The following MYO19 variants were observed in gnomAD, a reference collection of about 807,000 sequenced individuals.
The protein encoded by MYO19 is myosin XIX.
Under a neutral mutation model 129.2 loss-of-function variants are expected in MYO19, and 132 were observed. The ratio of observed to expected loss-of-function variants is 1.02; its 90% CI spans 0.89 to 1.18. MYO19 has a LOEUF of 1.18. Ranked by LOEUF, MYO19 falls within the 50% of genes most tolerant of loss-of-function variation. The pLI is 0.00. For missense variants in MYO19, 1,210 were observed against 1,216.7 expected (o/e 0.99, Z 0.08); for synonymous variants, 531 against 477.2 (o/e 1.11, Z -1.47).
chr17:36,509,125 A>G lies in MYO19; in HGVS notation c.1168T>C (p.Trp390Arg), dbSNP rs1395114207. 1 of 1,613,842 alleles carries G rather than the reference A, an allele frequency of 6.2e-7. No homozygotes were observed. Among genetic ancestry groups the G allele is most frequent in the South Asian group, 1.1e-5 (1 of 91,038 alleles). Residue 390 changes from tryptophan (W) to arginine (R), a missense_variant, in exon 14 of 26, where the codon TGG becomes CGG. By Grantham distance (101) the Trp-to-Arg change is moderately radical. Coordinates refer to ENST00000614623, the MANE Select transcript of MYO19 (RefSeq NM_001163735.2). ...CTGCTGTTGATCACTGATACCAGCC[A>G]GTCAAACAACCTGTTGGGGGAAGAG... ...AKLIYARLFD[W>R]LVSVINSSIC...
chr17:36,528,225 G>A, intron 3 of MYO19, 23 bp from the exon 4 acceptor site: 1 of 1,553,778 alleles, frequency 6.4e-7, no homozygotes, highest in Non-Finnish European at 8.7e-7. Flanking sequence ...ACGTGAAGGT[G>A]AGGCCAGGCA....
intron 6 of MYO19, 111 bp downstream of exon 6, chr17:36,525,117 G>T: frequency 1.3e-6 from 1 of 784,172 alleles, no homozygotes. Flanking sequence ...CAGCCTATGT[G>T]GGAATGATTA....
At chr17:36,508,991 C>T in intron 14 of MYO19, 71 bp downstream of exon 14, 1 of 1,358,086 alleles carries the variant, frequency 7.4e-7, no homozygotes, top group Non-Finnish European at 1.0e-6. Context: ...GGACCCAGGG[C>T]TCCTGCCTCT....
chr17:36,515,034 C>T, intron 8 of MYO19, 79 bp downstream of exon 8: 1 of 1,392,266 alleles, frequency 7.2e-7, no homozygotes, highest in East Asian at 2.5e-5. Flanking sequence ...TAGGGGTGGC[C>T]CAGGCCAGAT....
chr17:36,509,321 C>CT (rs1428027256), intron 13 of MYO19, 186 bp from the exon 14 acceptor site: 2 of 616,638 alleles, frequency 3.2e-6, no homozygotes, highest in Non-Finnish European at 5.8e-6. Flanking sequence ...CAGATGCAGG[C>CT]TATGGGCATG....
At chr17:36,538,315 C>T (rs1344872087), upstream of MYO19, 1 of 1,613,882 alleles carries the variant, frequency 6.2e-7, no homozygotes, top group Non-Finnish European at 8.5e-7. Context: ...ATTAAAGGAG[C>T]TCTAGTACCA....
chr17:36,504,415 T>C, intron 19 of MYO19: 1 of 184,772 alleles, frequency 5.4e-6, no homozygotes, highest in Non-Finnish European at 1.1e-5. Context: ...GCAGGGAAGA[T>C]TATACTATGA....
At chr17:36,500,612 C>A in intron 23 of MYO19, 1 of 613,824 alleles carries the variant, frequency 1.6e-6, no homozygotes, top group East Asian at 2.8e-5. Flanking sequence ...CCACTTCTTA[C>A]AGAGCACCTT....
intron 22 of MYO19, 44 bp from the exon 23 acceptor site, chr17:36,501,003 G>A (rs1299201193): frequency 1.5e-5 from 24 of 1,604,032 alleles, no homozygotes; most frequent in Non-Finnish European, 2.0e-5. Flanking sequence ...TTCTCCCCCT[G>A]CCCCCTCCTG....
chr17:36,537,872 C>T, upstream of MYO19: 1 of 1,614,014 alleles, frequency 6.2e-7, no homozygotes. Context: ...TTATTTTTCC[C>T]CTAAATAAGT....
chr17:36,514,165 A>G (rs2072571252), intron 9 of MYO19, among the ~76,000 whole-genome samples: 1 of 152,174 alleles, frequency 6.6e-6, no homozygotes, highest in African/African-American at 2.4e-5. Flanking sequence ...TAAAATGATA[A>G]GAGTGACACG....
At chr17:36,496,431 T>C in intron 25 of MYO19, 25 bp from the exon 26 acceptor site, 1 of 1,612,526 alleles carries the variant, frequency 6.2e-7, no homozygotes, top group Non-Finnish European at 8.5e-7. Context: ...GAGATGCAGC[T>C]TTAGCACTAG....
intron 6 of MYO19, among the ~76,000 whole-genome samples, chr17:36,524,947 G>A (rs1222085805): frequency 6.6e-6 from 1 of 152,158 alleles, no homozygotes; most frequent in Non-Finnish European, 1.5e-5. Flanking sequence ...TCAAGAGCTG[G>A]GAGACACTTT....
intron 21 of MYO19, 133 bp downstream of exon 21, chr17:36,502,963 TC>T (rs1567735423): frequency 1.4e-6 from 1 of 727,408 alleles, no homozygotes; most frequent in Non-Finnish European, 2.4e-6. Flanking sequence ...TGAATCTGTT[TC>T]CCCCACTGAA....
chr17:36,527,747 C>G, intron 4 of MYO19, 48 bp from the exon 5 acceptor site: 1 of 1,575,626 alleles, frequency 6.3e-7, no homozygotes, highest in Non-Finnish European at 8.6e-7. Flanking sequence ...TATAGTCAAA[C>G]CACACACACA....
At chr17:36,532,455 C>G (rs530893594) in intron 3 of MYO19, 72 bp downstream of exon 3, 89 of 1,540,500 alleles carry the variant, frequency 5.8e-5, no homozygotes, top group Admixed American at 1.4e-4. Flanking sequence ...CTTTCCCTTC[C>G]TTCCAGGTTA....
intron 21 of MYO19, chr17:36,502,865 G>C (rs1406559369): frequency 1.7e-6 from 1 of 571,780 alleles, no homozygotes; most frequent in Admixed American, 3.2e-5. Context: ...CTTCCAGGAA[G>C]CCTTCCCCAA....
chr17:36,514,180 C>T (rs2072572770), intron 9 of MYO19, among the ~76,000 whole-genome samples: 1 of 152,188 alleles, frequency 6.6e-6, no homozygotes, highest in Non-Finnish European at 1.5e-5. Context: ...GACACGGCTT[C>T]CACCCTAGAG....
In MYO19 at chr17:36,523,248, T is replaced by C. The variant is rs948449635; in HGVS notation, c.414+1980A>G. ...GCTATGGGTTCCTGCCATGGGGGAT[T>C]TATCCTAGGACAGATGGGAATCTGG... On this transcript the variant is annotated intron_variant, in intron 6 of 25. Transcript: ENST00000614623. 2.0e-5 allele frequency among the ~76,000 whole-genome samples: 3 copies of C among 151,814 alleles called. No homozygotes were observed. In the East Asian group the frequency reaches 5.8e-4, roughly 29 times the overall value.
Sources: allele counts gnomAD v4.1 joint callset (sites outside exome capture counted in the v4.1 genomes callset), GRCh38; gene constraint gnomAD v4.1.1; transcripts MANE v1.5; gene names NCBI Gene and HGNC (gene_info 2026-07-23, HGNC 2026-07-21).